ITGB2: variants seen among roughly 807,000 people sequenced by gnomAD.
ITGB2 encodes integrin beta-2.
A neutral mutation model predicts 86.8 loss-of-function variants in ITGB2; 56 were observed. The ratio of observed to expected loss-of-function variants is 0.65; its 90% CI spans 0.52 to 0.81. The LOEUF (loss-of-function observed/expected upper bound fraction) is 0.81, where lower values mean the gene tolerates loss of function less well. ITGB2 is among the 30% of genes least tolerant of loss of function. ITGB2 has a pLI of 0.00. For synonymous variants in ITGB2, 457 were observed against 450.4 expected, an observed-to-expected ratio of 1.01 and a Z score of -0.19; for missense variants, 948 against 1,061.2, an observed-to-expected ratio of 0.89 and a Z score of 1.48.
chr21:44,903,242 C>A (rs777894403), intron 5 of ITGB2, 123 bp downstream of exon 5: 2 of 1,182,750 alleles, frequency 1.7e-6, no homozygotes, highest in Non-Finnish European at 2.5e-6. Flanking sequence ...CTGGGGGGAC[C>A]TGCATCTGGG....
At chr21:44,907,884 C>G in intron 3 of ITGB2, 1 of 590,548 alleles carries the variant, frequency 1.7e-6, no homozygotes, top group South Asian at 2.1e-5. Context: ...TTTGGAACCA[C>G]AGAATTTTTT....
rs573779039 is a variant in ITGB2 at position 44,888,636 on chromosome 21, G to A, written c.2080+57C>T. 203 of 1,576,738 alleles carry A rather than the reference G, an allele frequency of 1.3e-4. 1 individual carries two copies. In the South Asian group the frequency reaches 1.8e-3, roughly 14 times the overall value. On this transcript the variant is annotated intron_variant, in intron 14 of 15. Coordinates refer to ENST00000652462, the MANE Select transcript of ITGB2 (RefSeq NM_000211.5). ...CCTTCCGCACCACCCTCGCCTCTGC[G>A]GAGACCCCGCAGCCGGAGCTCTGGA... is the stretch of plus-strand genomic sequence containing the variant.
chr21:44,911,213 C>T (rs144576812), intron 1 of ITGB2: 3 of 296,396 alleles, frequency 1.0e-5, no homozygotes, highest in Admixed American at 9.2e-5. Context: ...GATGTATACA[C>T]CCCTTACCCA....
rs538051748 is a variant in ITGB2, at chr21:44,889,584, C to G, written c.1658-89G>C. 6.6e-4 allele frequency: 770 copies of G among 1,171,738 alleles called. 6 individuals carry two copies. In the African/African-American group the frequency reaches 9.8e-3, roughly 15 times the overall value. 72.6% of individuals were successfully genotyped at this position (1,171,738 alleles called of 1,614,324 possible). ...CCCACTGCGGTTGCTCCCTCCGGCC[C>G]GCCTGCCTCCTCCAGCCTGGGGGAT... On this transcript the variant is annotated intron_variant, in intron 12 of 15. Transcript: ENST00000652462.
At chr21:44,924,459 GA>G (rs994535490), upstream of ITGB2, among the ~76,000 whole-genome samples, 1 of 151,844 alleles carries the variant, frequency 6.6e-6, no homozygotes, top group African/African-American at 2.4e-5. Flanking sequence ...AAACAAACAA[GA>G]AAAAATCAAA....
rs1413950294 is a variant in ITGB2 at position 44,889,395 on chromosome 21, C to A, written c.1758G>T (p.Arg586=). 2 of 1,612,690 alleles carry A rather than the reference C, an allele frequency of 1.2e-6. No individual in the cohort carries two copies. Among genetic ancestry groups the A allele is most frequent in the Non-Finnish European group, 1.7e-6 (2 of 1,179,832 alleles). ...GGCCACGACCACTACACTCAACACG[C>A]CGCGGGTTCAGGCAGCCCTCAGTGG... ...ERTTEGCLNP[R]RVECSGRGRC... is the part of the protein sequence containing the mutation. Residue 586 remains arginine (R), a synonymous_variant, in exon 13 of 16, where the codon CGG becomes CGT. Transcript: ENST00000652462.
chr21:44,888,826 G>T lies in ITGB2; in HGVS notation c.1947C>A (p.Gly649=). 6.2e-7 allele frequency: 1 copy of T among 1,610,944 alleles called. No individual in the cohort carries two copies. The change falls in exon 14 of 16, where the codon GGC becomes GGA. Residue 649 remains glycine, a synonymous_variant. Transcript: ENST00000652462. ...FGKNCSAACP[G]LQLSNNPVKG... ...TCACGGGGTTGTTCGACAGCTGCAG[G>T]CCCGGACACGCCGCGCTGCAGTTCT...
chr21:44,921,708 T>C (rs1376557687), upstream of ITGB2, among the ~76,000 whole-genome samples: 1 of 152,134 alleles, frequency 6.6e-6, no homozygotes, highest in Non-Finnish European at 1.5e-5. Context: ...GTTTTATTTA[T>C]TTATTTATTT....
In ITGB2 at chr21:44,910,754, G is replaced by A; in HGVS notation, c.29C>T (p.Ala10Val). The A allele has an allele frequency of 6.2e-7, 1 of 1,614,064 alleles. No individual in the cohort carries two copies. The highest frequency in any genetic ancestry group is 8.5e-7 in the Non-Finnish European group (1 of 1,179,998). The change falls in exon 2 of 16, where the codon GCC (alanine) becomes GTC (valine). Residue 10 changes from alanine to valine, a missense_variant. Coordinates refer to ENST00000652462, the MANE Select transcript of ITGB2 (RefSeq NM_000211.5). ...CCCGAGGGAGAGCAGCCCCACCAGG[G>A]CGAGCAGTGGGGGGCGCAGGCCCAG... MLGLRPPLL[A>V]LVGLLSLGCV... is the part of the protein sequence containing the mutation.
chr21:44,894,939 T>G (rs889777587), intron 9 of ITGB2, 32 bp downstream of exon 9: 14 of 1,448,662 alleles, frequency 9.7e-6, no homozygotes, highest in African/African-American at 1.4e-5. Flanking sequence ...GGCCACCCCA[T>G]GGGTCCCAGC....
At chr21:44,917,197 G>A (rs2084224534) in intron 1 of ITGB2, among the ~76,000 whole-genome samples, 1 of 152,210 alleles carries the variant, frequency 6.6e-6, no homozygotes, top group Admixed American at 6.5e-5. Flanking sequence ...CCGTCAACGT[G>A]TAAGATGCTT....
chr21:44,898,967 G>C (rs2083907843), intron 8 of ITGB2, 100 bp downstream of exon 8: 1 of 965,452 alleles, frequency 1.0e-6, no homozygotes, highest in Non-Finnish European at 1.6e-6. Context: ...CACGTGCCCA[G>C]CATGCAGAGG....
intron 9 of ITGB2, chr21:44,894,265 A>G (rs949734461): frequency 1.9e-5 from 3 of 161,826 alleles, no homozygotes; most frequent in Admixed American, 5.7e-5. Flanking sequence ...CAATGACCCA[A>G]CGTTTGTCGG....
upstream of ITGB2, among the ~76,000 whole-genome samples, chr21:44,924,017 C>G (rs2084341727): frequency 6.6e-6 from 1 of 152,184 alleles, no homozygotes; most frequent in Admixed American, 6.5e-5. Context: ...ACAGACAGTT[C>G]AGCAGCCATA....
chr21:44,921,011 C>G (rs1259037027), upstream of ITGB2: 1 of 152,400 alleles, frequency 6.6e-6, no homozygotes, highest in Non-Finnish European at 1.5e-5. Flanking sequence ...ACCCCTGCCC[C>G]TCTCCGCTCT....
chr21:44,918,900 A>C (rs2084249969), intron 1 of ITGB2, among the ~76,000 whole-genome samples: 1 of 58,646 alleles, frequency 1.7e-5, no homozygotes, highest in Non-Finnish European at 3.0e-5. Flanking sequence ...AAATGCCCCT[A>C]TTTACTCCCT....
At position 44,901,576 on chromosome 21, in the gene ITGB2, G is replaced by A. The variant is rs146745379; in HGVS notation, c.657C>T (p.Thr219=). Residue 219 remains threonine, a synonymous_variant, in exon 6 of 16, where the codon ACC becomes ACT. Coordinates refer to ENST00000652462, the MANE Select transcript of ITGB2 (RefSeq NM_000211.5). ...CGGAAATCAGCTGCTTCCCGACCTC[G>A]GTCTGAAACTGGTTGGAGTTGTTGG... ...KLTNNSNQFQ[T]EVGKQLISGN... is the part of the protein sequence containing the mutation. 4.0e-5 allele frequency: 65 copies of A among 1,614,142 alleles called. No individual in the cohort carries two copies. The highest frequency in any genetic ancestry group is 7.7e-5 in the South Asian group (7 of 91,094).
chr21:44,913,983 C>G (rs544775975), intron 1 of ITGB2, among the ~76,000 whole-genome samples: 1 of 152,248 alleles, frequency 6.6e-6, no homozygotes, highest in East Asian at 1.9e-4. Context: ...GGAGGAAGAG[C>G]ACAGACACCC....
At chr21:44,909,877 T>C (rs58314825) in intron 3 of ITGB2, among the ~76,000 whole-genome samples, 4,119 of 152,322 alleles carry the variant, frequency 0.027, 80 homozygotes, top group Middle Eastern at 0.11. Flanking sequence ...CTGTGTTTGG[T>C]GGGTCCCGTC....
Sources: allele counts gnomAD v4.1 joint callset (sites outside exome capture counted in the v4.1 genomes callset), GRCh38; gene constraint gnomAD v4.1.1; transcripts MANE v1.5; gene names NCBI Gene and HGNC (gene_info 2026-07-23, HGNC 2026-07-21).